Variants in ANKS1B observed in about 807,000 individuals in gnomAD.
The protein encoded by ANKS1B is ankyrin repeat and sterile alpha motif domain containing 1B, also known as ankyrin repeat and sterile alpha motif domain-containing protein 1B.
A neutral mutation model predicts 148.3 loss-of-function variants in ANKS1B; 36 were observed. That is an observed-to-expected ratio of 0.24 (90% CI 0.19 to 0.32). ANKS1B has a LOEUF of 0.32. Among genes scored for constraint, ANKS1B ranks in the 10% least tolerant of loss-of-function variants. ANKS1B has a pLI of 1.00. For missense variants in ANKS1B, 1,157 were observed against 1,542.6 expected, an observed-to-expected ratio of 0.75 and a Z score of 4.19; for synonymous variants, 542 against 560.8, an observed-to-expected ratio of 0.97 and a Z score of 0.47.
At position 98,948,775 on chromosome 12, in the gene ANKS1B, C is replaced by CA. The variant is rs373041016; in HGVS notation, c.2778+104381_2778+104382insT. Among the ~76,000 whole-genome samples the CA allele has an allele frequency of 1.5e-3, 225 of 147,510 alleles. 2 individuals are homozygous for CA. Among genetic ancestry groups the CA allele is most frequent in the South Asian group, 6.2e-3 (27 of 4,388 alleles). On this transcript the variant is annotated intron_variant, in intron 17 of 26. Coordinates refer to ENST00000683438, the MANE Select transcript of ANKS1B (RefSeq NM_001352186.2). Reference sequence around the variant, plus strand: ...GTCTCTCACACACCCACACCCCCCCCCACACACACACATGCTGGGATTTTT... The same window carrying CA: ...GTCTCTCACACACCCACACCCCCCCCACACACACACACATGCTGGGATTTTT...
chr12:99,901,106 T>C (rs539693828), intron 1 of ANKS1B, among the ~76,000 whole-genome samples: 1 of 152,314 alleles, frequency 6.6e-6, no homozygotes, highest in African/African-American at 2.4e-5. Flanking sequence ...AAAATAGATA[T>C]ATCTTCTTAG....
chr12:99,405,147 T>A (rs2094501808), intron 11 of ANKS1B, among the ~76,000 whole-genome samples: 1 of 145,572 alleles, frequency 6.9e-6, no homozygotes, highest in South Asian at 2.1e-4. Flanking sequence ...CTACAATAAA[T>A]GCTAAAGGGA....
chr12:99,956,528 T>C (rs2095326925), intron 1 of ANKS1B, among the ~76,000 whole-genome samples: 1 of 152,212 alleles, frequency 6.6e-6, no homozygotes, highest in Non-Finnish European at 1.5e-5. Flanking sequence ...AGAATAATGC[T>C]ACAACACAAT....
At chr12:98,790,982 G>A (rs2098843451) in intron 22 of ANKS1B, among the ~76,000 whole-genome samples, 1 of 152,164 alleles carries the variant, frequency 6.6e-6, no homozygotes, top group African/African-American at 2.4e-5. Context: ...AAGAGAACTG[G>A]GGTTTGAAGA....
chr12:99,139,241 TCTC>T (rs2069270896), intron 15 of ANKS1B, among the ~76,000 whole-genome samples: 1 of 145,310 alleles, frequency 6.9e-6, no homozygotes, highest in Admixed American at 6.9e-5. Context: ...TCCTTCCTTC[TCTC>T]TTTCTTTCTT....
intron 15 of ANKS1B, among the ~76,000 whole-genome samples, chr12:99,131,563 GTAAAGTTA>G (rs1196273293): frequency 6.6e-6 from 1 of 152,162 alleles, no homozygotes; most frequent in Non-Finnish European, 1.5e-5. Context: ...AACCGTTCCT[GTAAAGTTA>G]TTTTTCCTAA....
chr12:99,823,864 T>C (rs533599899), intron 2 of ANKS1B, among the ~76,000 whole-genome samples: 36 of 152,188 alleles, frequency 2.4e-4, no homozygotes, highest in Non-Finnish European at 4.6e-4. Flanking sequence ...CCATTGCTTA[T>C]TTGTTATCAA....
chr12:98,811,562 C>T (rs1221326922), intron 19 of ANKS1B, among the ~76,000 whole-genome samples: 1 of 152,192 alleles, frequency 6.6e-6, no homozygotes, highest in East Asian at 1.9e-4. Context: ...GTACATTCCT[C>T]CTGGACCCCT....
intron 9 of ANKS1B, among the ~76,000 whole-genome samples, chr12:99,520,216 C>G (rs1424392600): frequency 6.6e-6 from 1 of 152,174 alleles, no homozygotes; most frequent in African/African-American, 2.4e-5. Context: ...GCTCTTCTTT[C>G]AGATTTAAGA....
At chr12:98,982,028 C>T (rs1169392227) in intron 17 of ANKS1B, among the ~76,000 whole-genome samples, 1 of 152,076 alleles carries the variant, frequency 6.6e-6, no homozygotes, top group Non-Finnish European at 1.5e-5. Flanking sequence ...GCAGTCATTT[C>T]ATAGAAAAGT....
chr12:98,779,816 C>T (rs2098716057), intron 24 of ANKS1B, among the ~76,000 whole-genome samples: 1 of 152,206 alleles, frequency 6.6e-6, no homozygotes, highest in Non-Finnish European at 1.5e-5. Flanking sequence ...TGAGTCTCCA[C>T]AATTATTATC....
At chr12:98,979,796 TTTGTAGTCACA>T (rs2099906469) in intron 17 of ANKS1B, among the ~76,000 whole-genome samples, 1 of 152,148 alleles carries the variant, frequency 6.6e-6, no homozygotes, top group Non-Finnish European at 1.5e-5. Flanking sequence ...GATCTGTGGG[TTTGTAGTCACA>T]CCAAATTTAC....
intron 22 of ANKS1B, among the ~76,000 whole-genome samples, chr12:98,788,482 T>C (rs4762511): frequency 0.86 from 130,547 of 152,124 alleles, 56,150 homozygotes; most frequent in East Asian, 1. Context: ...TAAATGACCT[T>C]GCAAGGACTT....
chr12:98,987,809 A>T (rs2099924341), intron 17 of ANKS1B, among the ~76,000 whole-genome samples: 1 of 152,168 alleles, frequency 6.6e-6, no homozygotes, highest in African/African-American at 2.4e-5. Flanking sequence ...ATGTCACCCC[A>T]AAGGGTGAGC....
intron 8 of ANKS1B, among the ~76,000 whole-genome samples, chr12:99,706,085 AT>A (rs2055714675): frequency 6.6e-6 from 1 of 152,112 alleles, no homozygotes; most frequent in South Asian, 2.1e-4. Context: ...AAATTTTGCA[AT>A]TAATGTGTTA....
At chr12:99,597,375 G>T (rs1011014729) in intron 9 of ANKS1B, among the ~76,000 whole-genome samples, 16 of 151,828 alleles carry the variant, frequency 1.1e-4, no homozygotes, top group Non-Finnish European at 4.4e-5. Context: ...TATGAATGAA[G>T]AATTTTGTGG....
intron 1 of ANKS1B, among the ~76,000 whole-genome samples, chr12:99,941,004 T>C (rs1287564042): frequency 2.6e-5 from 4 of 152,156 alleles, no homozygotes; most frequent in African/African-American, 9.7e-5. Flanking sequence ...ATGTCTCTCT[T>C]CCTCAATAGA....
chr12:99,620,566 A>G (rs1028898811), intron 9 of ANKS1B, among the ~76,000 whole-genome samples: 2 of 152,198 alleles, frequency 1.3e-5, no homozygotes, highest in Non-Finnish European at 2.9e-5. Flanking sequence ...AGAAATTTGA[A>G]ATTGAAAGGA....
At chr12:99,893,982 C>G (rs1565944215) in intron 1 of ANKS1B, among the ~76,000 whole-genome samples, 1 of 151,726 alleles carries the variant, frequency 6.6e-6, no homozygotes, top group African/African-American at 2.4e-5. Flanking sequence ...AAATGGACAA[C>G]CAAGGATCAC....
Sources: gnomAD v4.1 joint callset for allele counts (sites outside exome capture counted in the v4.1 genomes callset) on GRCh38, gnomAD v4.1.1 for gene constraint, MANE v1.5 for transcripts, NCBI Gene and HGNC (gene_info 2026-07-23, HGNC 2026-07-21) for gene names.